ZNF469: variants seen among roughly 807,000 people sequenced by gnomAD.
The protein encoded by ZNF469 is zinc finger protein 469.
Under a neutral mutation model 1.0 loss-of-function variants are expected in ZNF469, and 1 was observed. The ratio of observed to expected loss-of-function variants is 1.00; its 90% CI spans 0.35 to 4.73. ZNF469 has a LOEUF of 4.73. Among genes scored for constraint, ZNF469 ranks in the 30% most tolerant of loss-of-function variants. ZNF469 has a pLI of 0.16. For synonymous variants in ZNF469, 2,703 were observed against 2,363.4 expected, an observed-to-expected ratio of 1.14 and a Z score of -4.17; for missense variants, 6,100 against 5,356.3, an observed-to-expected ratio of 1.14 and a Z score of -4.33.
In ZNF469 at chr16:88,436,551, C is replaced by T. The variant is rs919027642; in HGVS notation, c.9081C>T (p.Arg3027=). The T allele has an allele frequency of 9.7e-6, 15 of 1,549,672 alleles. No individual in the cohort carries two copies. The highest frequency in any genetic ancestry group is 1.3e-5 in the Non-Finnish European group (15 of 1,146,964). The change falls in exon 3 of 3, where the codon CGC becomes CGT. Residue 3027 remains arginine (R), a synonymous_variant. Transcript: ENST00000565624. Reference sequence around the variant, plus strand: ...AGCCCCCCAGCCTGGAGAGAGAACGCTGTGACGGTGGGCTTCCCGGGAACA... The same window carrying T: ...AGCCCCCCAGCCTGGAGAGAGAACGTTGTGACGGTGGGCTTCCCGGGAACA... ...SPEPPSLERE[R]CDGGLPGNTH...
chr16:88,201,071 A>T, the ZNF469 span, among the ~76,000 whole-genome samples: 3 of 152,214 alleles, frequency 2.0e-5, no homozygotes, highest in South Asian at 4.1e-4. This position sits in a 1 kb window ranked among gnomAD's most constrained non-coding sequence, Gnocchi z 5.0. Context: ...TGCCCCGGGG[A>T]TCCTCACCCC....
At chr16:88,251,169 C>T in the ZNF469 span, among the ~76,000 whole-genome samples, 19 of 152,234 alleles carry the variant, frequency 1.2e-4, no homozygotes, top group Non-Finnish European at 2.2e-4. Flanking sequence ...TGAGCCACCG[C>T]GCCCGGCCTG....
At chr16:88,227,668 C>A in the ZNF469 span, among the ~76,000 whole-genome samples, 1 of 151,664 alleles carries the variant, frequency 6.6e-6, no homozygotes, top group Non-Finnish European at 1.5e-5. Flanking sequence ...TGCCTTGATG[C>A]GTATTTTCCA....
intron 1 of ZNF469, among the ~76,000 whole-genome samples, chr16:88,384,980 G>T (rs1052662510): frequency 6.6e-6 from 1 of 152,162 alleles, no homozygotes; most frequent in African/African-American, 2.4e-5. Flanking sequence ...TCCTGAGGCA[G>T]CAGGCAGCAC....
the ZNF469 span, among the ~76,000 whole-genome samples, chr16:88,222,500 G>A: frequency 1.3e-5 from 2 of 152,202 alleles, no homozygotes; most frequent in Admixed American, 6.5e-5. Context: ...GCTCACGCCT[G>A]TAATCCCAGC....
At chr16:88,422,011 G>A (rs553967628) in intron 1 of ZNF469, among the ~76,000 whole-genome samples, 2 of 151,832 alleles carry the variant, frequency 1.3e-5, no homozygotes, top group East Asian at 3.9e-4. Flanking sequence ...ATGGGCAGGT[G>A]GGTAGATGAA....
the ZNF469 span, among the ~76,000 whole-genome samples, chr16:88,264,239 C>T: frequency 8.5e-5 from 13 of 152,076 alleles, no homozygotes; most frequent in African/African-American, 2.4e-4. Context: ...CCTCCCACAC[C>T]GAAACCCACA....
In ZNF469 at chr16:88,437,800, G is replaced by T. The variant is rs569602115; in HGVS notation, c.10330G>T (p.Gly3444Trp). The T allele has an allele frequency of 6.5e-7, 1 of 1,545,660 alleles. No individual in the cohort carries two copies. The highest frequency in any genetic ancestry group is 8.7e-7 in the Non-Finnish European group (1 of 1,143,430). The change falls in exon 3 of 3, where the codon GGG becomes TGG. Residue 3444 changes from glycine (G) to tryptophan (W), a missense_variant. Coordinates refer to ENST00000565624, the MANE Select transcript of ZNF469 (RefSeq NM_001367624.2). Reference sequence around the variant, plus strand: ...CCACATGAACAAGCACCTCAGGGGGGGGCGGCAGCCCTTCGCGTTCCGCGG... The same window carrying T: ...CCACATGAACAAGCACCTCAGGGGGTGGCGGCAGCCCTTCGCGTTCCGCGG... ...DRHMNKHLRGGRQPFAFRGVR... is the reference protein window; with the variant it reads ...DRHMNKHLRGWRQPFAFRGVR...
chr16:88,171,430 C>G, the ZNF469 span, among the ~76,000 whole-genome samples: 1 of 152,248 alleles, frequency 6.6e-6, no homozygotes, highest in East Asian at 1.9e-4. Flanking sequence ...GGTGCCAGCC[C>G]AGGCCCAGCC....
chr16:88,220,816 G>T, the ZNF469 span, among the ~76,000 whole-genome samples: 1 of 152,156 alleles, frequency 6.6e-6, no homozygotes, highest in Non-Finnish European at 1.5e-5. Context: ...CCCCACAAGG[G>T]GATCCTTCCT....
the ZNF469 span, among the ~76,000 whole-genome samples, chr16:88,315,650 T>G: frequency 4.6e-5 from 7 of 152,108 alleles, no homozygotes; most frequent in Non-Finnish European, 8.8e-5. Context: ...GCTGGGGAAG[T>G]GCACATCCGT....
the ZNF469 span, among the ~76,000 whole-genome samples, chr16:88,171,986 C>G: frequency 1.3e-5 from 2 of 152,130 alleles, no homozygotes. Flanking sequence ...AGACATTGGA[C>G]AACAGATAGC....
chr16:88,134,697 G>A, the ZNF469 span, among the ~76,000 whole-genome samples: 1 of 152,218 alleles, frequency 6.6e-6, no homozygotes, highest in East Asian at 1.9e-4. Flanking sequence ...TGACAGCAGG[G>A]TGTTGCCACG....
Position 88,439,413 on chromosome 16 carries a change from A to T in ZNF469, c.*81A>T. 6.8e-7 allele frequency: 1 copy of T among 1,465,302 alleles called. No homozygotes were observed. The highest frequency in any genetic ancestry group is 9.3e-7 in the Non-Finnish European group (1 of 1,071,404). 90.8% of individuals were successfully genotyped at this position (1,465,302 alleles called of 1,614,324 possible). A position where few individuals can be genotyped will look rare whatever the true frequency, so the allele number is the denominator to read the frequency against. On this transcript the variant is annotated 3_prime_UTR_variant, in exon 3 of 3. Transcript: ENST00000565624. ...CCTTGGCCAGCTCCGGCTCCCTGAGATGGTCCACTCTGTGGCCACTTGACT... is the reference window on the plus strand; with the variant it reads ...CCTTGGCCAGCTCCGGCTCCCTGAGTTGGTCCACTCTGTGGCCACTTGACT...
chr16:88,438,817 C>A lies in ZNF469; in HGVS notation c.11347C>A (p.Arg3783=). Residue 3783 remains arginine (R), a synonymous_variant, in exon 3 of 3, where the codon CGA becomes AGA. Coordinates refer to ENST00000565624, the MANE Select transcript of ZNF469 (RefSeq NM_001367624.2). ...CCCTGCACCAGAGAGGCTCCCCGCT[C>A]GAGCCCAAGCCAAGAGCTGCACCAA... is the stretch of plus-strand genomic sequence containing the variant. ...RSPAPERLPA[R]AQAKSCTKGP... 1 of 1,550,328 alleles carries A rather than the reference C, an allele frequency of 6.5e-7. No individual in the cohort carries two copies. The highest frequency in any genetic ancestry group is 8.7e-7 in the Non-Finnish European group (1 of 1,146,956).
the ZNF469 span, among the ~76,000 whole-genome samples, chr16:88,249,446 T>C: frequency 7.3e-5 from 7 of 96,224 alleles, no homozygotes; most frequent in African/African-American, 2.3e-4. Context: ...TTTTTTTTTT[T>C]TTTTTTTTGA....
chr16:88,106,067 T>G, the ZNF469 span, among the ~76,000 whole-genome samples: 2 of 152,198 alleles, frequency 1.3e-5, no homozygotes, highest in African/African-American at 4.8e-5. Flanking sequence ...GCAGAGGATT[T>G]AAAAACCAGA....
At chr16:88,363,258 C>CTGT in the ZNF469 span, among the ~76,000 whole-genome samples, 4 of 152,094 alleles carry the variant, frequency 2.6e-5, no homozygotes, top group African/African-American at 4.8e-5. Context: ...GTTTTTGTTG[C>CTGT]TGTTGTTGTT....
chr16:88,362,387 T>C, the ZNF469 span, among the ~76,000 whole-genome samples: 15 of 152,240 alleles, frequency 9.9e-5, no homozygotes, highest in Non-Finnish European at 2.1e-4. Flanking sequence ...TCTGAATTCC[T>C]ACCTCTTCAG....
Sources: gnomAD v4.1 joint callset for allele counts (sites outside exome capture counted in the v4.1 genomes callset) on GRCh38, gnomAD v4.1.1 for gene constraint, Gnocchi (gnomAD v3.1) non-coding constraint, MANE v1.5 for transcripts, NCBI Gene and HGNC (gene_info 2026-07-23, HGNC 2026-07-21) for gene names.